The following IL1RAPL2 variants were observed in gnomAD, a reference collection of about 807,000 sequenced individuals.
IL1RAPL2 encodes interleukin 1 receptor accessory protein like 2.
IL1RAPL2 carries 3 observed loss-of-function variants against 44.1 expected under a neutral mutation model. That is an observed-to-expected ratio of 0.07 (90% CI 0.03 to 0.18). The LOEUF (loss-of-function observed/expected upper bound fraction) is 0.18. Among genes scored for constraint, IL1RAPL2 ranks in the 10% least tolerant of loss-of-function variants. The probability of loss-of-function intolerance (pLI) is 1.00; values close to 1 mark genes in which losing one functional copy is unlikely to be tolerated. For missense variants in IL1RAPL2, 391 were observed against 496.4 expected (o/e 0.79, Z 2.02); for synonymous variants, 181 against 178.8 (o/e 1.01, Z -0.10).
chrX:105,012,316 G>C (rs778079764), intron 2 of IL1RAPL2, among the ~76,000 whole-genome samples: 1 of 110,166 alleles, frequency 9.1e-6, no homozygotes, highest in East Asian at 2.9e-4. Context: ...TTAATAGAAG[G>C]GGGAGAGAGG....
chrX:105,137,664 G>A (rs953425103), intron 2 of IL1RAPL2, among the ~76,000 whole-genome samples: 1 of 112,022 alleles, frequency 8.9e-6, no homozygotes, highest in Middle Eastern at 4.6e-3. Flanking sequence ...AATTTGTGTT[G>A]ATTTGGTCTG....
intron 5 of IL1RAPL2, among the ~76,000 whole-genome samples, chrX:105,337,250 A>G (rs2035035351): frequency 8.9e-6 from 1 of 111,755 alleles, no homozygotes; most frequent in Non-Finnish European, 1.9e-5. Context: ...TGAAATATGT[A>G]TATGTAAAAT....
intron 2 of IL1RAPL2, among the ~76,000 whole-genome samples, chrX:105,143,254 A>C (rs1346957760): frequency 1.8e-5 from 2 of 111,927 alleles, no homozygotes; most frequent in African/African-American, 6.5e-5. Context: ...ACAAGAAAAA[A>C]ACAAACAACC....
At chrX:105,379,654 TG>T (rs2035414798) in intron 5 of IL1RAPL2, among the ~76,000 whole-genome samples, 2 of 111,815 alleles carry the variant, frequency 1.8e-5, no homozygotes, top group African/African-American at 6.5e-5. Context: ...CATTTACCAG[TG>T]GTAGAACCTT....
intron 5 of IL1RAPL2, among the ~76,000 whole-genome samples, chrX:105,389,016 T>G (rs192653901): frequency 3.1e-4 from 35 of 111,935 alleles, no homozygotes; most frequent in South Asian, 1.1e-3. Context: ...TTGTAATGTA[T>G]TTTTTAAATA....
chrX:105,276,446 A>T (rs988727028), intron 5 of IL1RAPL2, among the ~76,000 whole-genome samples: 2 of 112,188 alleles, frequency 1.8e-5, no homozygotes, highest in African/African-American at 6.5e-5. Flanking sequence ...AAATGCTTCC[A>T]GCAGCCAGGC....
chrX:104,978,803 A>G (rs1246375858), intron 2 of IL1RAPL2, among the ~76,000 whole-genome samples: 1 of 112,099 alleles, frequency 8.9e-6, no homozygotes, highest in African/African-American at 3.2e-5. Context: ...TAGAACCTAT[A>G]TGAAGAAAAA....
chrX:105,019,115 A>G (rs2031238643), intron 2 of IL1RAPL2, among the ~76,000 whole-genome samples: 1 of 111,993 alleles, frequency 8.9e-6, no homozygotes, highest in African/African-American at 3.2e-5. Context: ...TTTTTAGTCA[A>G]TTATAAACCA....
chrX:105,143,985 A>G (rs1367878706), intron 2 of IL1RAPL2, among the ~76,000 whole-genome samples: 2 of 109,684 alleles, frequency 1.8e-5, no homozygotes, highest in African/African-American at 6.7e-5. Flanking sequence ...AACTTAAAGT[A>G]TAATAAAACA....
intron 2 of IL1RAPL2, among the ~76,000 whole-genome samples, chrX:105,043,093 G>T (rs1450070473): frequency 1.4e-5 from 1 of 69,392 alleles, no homozygotes; most frequent in Non-Finnish European, 2.6e-5. Flanking sequence ...TGGGGGGAGG[G>T]GGGAGGGAGA....
At chrX:104,754,812 T>A (rs745555801) in intron 2 of IL1RAPL2, among the ~76,000 whole-genome samples, 39 of 112,163 alleles carry the variant, frequency 3.5e-4, no homozygotes, top group African/African-American at 1.2e-3. Flanking sequence ...CTGAATTGGA[T>A]AAGAAATGCA....
Position 104,756,328 on chromosome X carries a change from A to G in IL1RAPL2, c.82+97333A>G, listed in dbSNP as rs1160236956. Among the ~76,000 whole-genome samples the G allele has an allele frequency of 2.7e-5, 3 of 111,341 alleles. No homozygotes were observed. In the Admixed American group the frequency reaches 2.9e-4, roughly 11 times the overall value. ...CCCAACTTGTTCCTTGTTCAAGATAACTTTTATTTAACTTGCCTCCAAATC... is the reference window on the plus strand; with the variant it reads ...CCCAACTTGTTCCTTGTTCAAGATAGCTTTTATTTAACTTGCCTCCAAATC... On this transcript the variant is annotated intron_variant, in intron 2 of 10. Transcript: ENST00000372582.
chrX:105,386,873 A>G (rs780533063), intron 5 of IL1RAPL2, among the ~76,000 whole-genome samples: 1 of 111,747 alleles, frequency 8.9e-6, no homozygotes, highest in South Asian at 3.8e-4. Context: ...CTATTATAGA[A>G]TCTCAAGGAA....
chrX:105,465,631 T>C (rs1490663320), intron 5 of IL1RAPL2, among the ~76,000 whole-genome samples: 1 of 111,765 alleles, frequency 8.9e-6, no homozygotes, highest in East Asian at 2.8e-4. Flanking sequence ...TTCATTCTGG[T>C]TAGGACTGCT....
rs890334498 is a variant in IL1RAPL2, at chrX:105,215,575, A to G, written c.357-18243A>G. Among the ~76,000 whole-genome samples, 3 of 112,132 alleles carry G rather than the reference A, an allele frequency of 2.7e-5. No homozygotes were observed. In the Admixed American group the frequency reaches 2.8e-4, roughly 11 times the overall value. ...ATTTCTTCTGCAACTATTCCAATGA[A>G]TAGAAAAAGAGGGAATCCTCTCTAA... On this transcript the variant is annotated intron_variant, in intron 3 of 10. Coordinates refer to ENST00000372582, the MANE Select transcript of IL1RAPL2 (RefSeq NM_017416.2).
intron 2 of IL1RAPL2, among the ~76,000 whole-genome samples, chrX:104,993,973 C>A (rs773100361): frequency 9.0e-6 from 1 of 111,688 alleles, no homozygotes; most frequent in Admixed American, 9.5e-5. Context: ...GGGTTCAGAG[C>A]CAAATTTTTA....
intron 2 of IL1RAPL2, among the ~76,000 whole-genome samples, chrX:104,732,153 A>C (rs1218297923): frequency 8.9e-6 from 1 of 112,092 alleles, no homozygotes; most frequent in East Asian, 2.8e-4. Context: ...GGATGCTGCC[A>C]ATGTCAGAGT....
At chrX:104,610,060 T>C (rs920397133) in intron 1 of IL1RAPL2, among the ~76,000 whole-genome samples, 4 of 112,158 alleles carry the variant, frequency 3.6e-5, no homozygotes, top group African/African-American at 1.3e-4. Context: ...TGTGTTGATG[T>C]TGATTTTATT....
rs908806601 is a variant in IL1RAPL2 at position 105,726,220 on chromosome X, C to T, written c.902+8724C>T. Among the ~76,000 whole-genome samples the T allele has an allele frequency of 5.4e-5, 6 of 111,831 alleles. No homozygotes were observed. In the East Asian group the frequency reaches 1.7e-3, roughly 32 times the overall value. On this transcript the variant is annotated intron_variant, in intron 7 of 10. Transcript: ENST00000372582. ...TACACTGCATATTGCAAAAGCATTT[C>T]ACATCTTAAAACATATTGGATACTC... is the stretch of plus-strand genomic sequence containing the variant.
Sources: gnomAD v4.1 joint callset for allele counts (sites outside exome capture counted in the v4.1 genomes callset) on GRCh38, gnomAD v4.1.1 for gene constraint, MANE v1.5 for transcripts, NCBI Gene and HGNC (gene_info 2026-07-23, HGNC 2026-07-21) for gene names.